The following KATNAL1 variants were observed in gnomAD, a reference collection of about 807,000 sequenced individuals.
KATNAL1 encodes the protein katanin catalytic subunit A1 like 1, also known as katanin p60 ATPase-containing subunit A-like 1.
Under a neutral mutation model 55.2 loss-of-function variants are expected in KATNAL1, and 32 were observed. The ratio of observed to expected loss-of-function variants is 0.58; its 90% CI spans 0.44 to 0.78. The LOEUF (loss-of-function observed/expected upper bound fraction) is 0.78. Among genes scored for constraint, KATNAL1 ranks in the 30% least tolerant of loss-of-function variants. The pLI, the probability that KATNAL1 is intolerant of heterozygous loss-of-function variation, is 0.00. For synonymous variants in KATNAL1, 193 were observed against 193.6 expected (o/e 1.00, Z 0.02); for missense variants, 466 against 600.9 (o/e 0.78, Z 2.35).
intron 1 of KATNAL1, chr13:30,296,348 C>A (rs1882492398): frequency 8.7e-7 from 1 of 1,150,156 alleles, no homozygotes; most frequent in Non-Finnish European, 1.3e-6. Flanking sequence ...CTTCCGCAAG[C>A]TGGGCTGCGA....
rs1444432275 is a variant in KATNAL1, at chr13:30,206,855, A to G, written c.*1685T>C. The G allele has an allele frequency of 6.6e-6, 1 of 151,838 alleles. No individual in the cohort carries two copies. Among genetic ancestry groups the G allele is most frequent in the Non-Finnish European group, 1.5e-5 (1 of 68,020 alleles). The allele number at this position is 151,838 out of a possible 1,614,324, so 9.4% of individuals were successfully genotyped here. On this transcript the variant is annotated 3_prime_UTR_variant, in exon 11 of 11. Transcript: ENST00000380615. ...AAAAGTTAATAAAAGGAAACCTCTC[A>G]ATTTTTAGGAAGAATTCAATTACAA...
intron 4 of KATNAL1, 41 bp from the exon 5 acceptor site, chr13:30,241,127 A>T: frequency 6.5e-7 from 1 of 1,544,604 alleles, no homozygotes; most frequent in Non-Finnish European, 8.8e-7. Flanking sequence ...TCAGTAATGG[A>T]TAATTTAGTT....
chr13:30,304,816 C>T (rs1419258125), intron 1 of KATNAL1, among the ~76,000 whole-genome samples: 1 of 152,194 alleles, frequency 6.6e-6, no homozygotes, highest in Non-Finnish European at 1.5e-5. Context: ...CCAATAAAAA[C>T]CAGCTCCTCC....
chr13:30,218,002 G>A (rs909592060), intron 9 of KATNAL1, among the ~76,000 whole-genome samples: 5 of 151,926 alleles, frequency 3.3e-5, no homozygotes, highest in African/African-American at 9.7e-5. Context: ...CTGTAACGTC[G>A]GCTTTGAAAA....
At chr13:30,285,123 A>G (rs1041361829) in intron 1 of KATNAL1, among the ~76,000 whole-genome samples, 1 of 152,220 alleles carries the variant, frequency 6.6e-6, no homozygotes, top group Non-Finnish European at 1.5e-5. Flanking sequence ...AAAATTAACC[A>G]TCACTAGTTC....
At chr13:30,244,739 T>C (rs2137434210) in intron 4 of KATNAL1, among the ~76,000 whole-genome samples, 1 of 152,146 alleles carries the variant, frequency 6.6e-6, no homozygotes, top group South Asian at 2.1e-4. Flanking sequence ...TCCACAGAAA[T>C]ACAAACTACC....
rs1232536025 is a variant in KATNAL1 at position 30,274,903 on chromosome 13, G to GCA, written c.323+5159_323+5160insTG. Among the ~76,000 whole-genome samples the GCA allele has an allele frequency of 3.0e-3, 285 of 93,708 alleles. 2 individuals carry two copies. The highest frequency in any genetic ancestry group is 4.4e-3 in the Non-Finnish European group (184 of 41,756). The allele number at this position is 93,708 out of a possible 152,430, so 61.5% of individuals were successfully genotyped here. A position where few individuals can be genotyped will look rare whatever the true frequency, so the allele number is the denominator to read the frequency against. On this transcript the variant is annotated intron_variant, in intron 3 of 10. Transcript: ENST00000380615. The stretch of plus-strand genomic sequence containing the variant: ...TGTGCACACACATACGCGCGCGCGC[G>GCA]CGCGCACACACACACACACACACAC...
rs184795821 is a variant in KATNAL1, at chr13:30,303,777, T to C, written c.-15+3554A>G. On this transcript the variant is annotated intron_variant, in intron 1 of 10. Coordinates refer to ENST00000380615, the MANE Select transcript of KATNAL1 (RefSeq NM_032116.5). ...AAAACAAGGCAAAAGTACATTGGTA[T>C]TAATGCCCTATACAATAACATTTTA... Among the ~76,000 whole-genome samples, 188 of 152,320 alleles carry C rather than the reference T, an allele frequency of 1.2e-3. 2 individuals carry two copies. Among genetic ancestry groups the C allele is most frequent in the Non-Finnish European group, 2.3e-3 (157 of 68,018 alleles).
intron 4 of KATNAL1, among the ~76,000 whole-genome samples, chr13:30,248,048 A>T (rs1877954955): frequency 6.6e-6 from 1 of 152,240 alleles, no homozygotes; most frequent in Admixed American, 6.5e-5. Flanking sequence ...TGAAAGTGGG[A>T]AACTTAAGAT....
At chr13:30,268,534 G>C (rs1431625982) in intron 3 of KATNAL1, among the ~76,000 whole-genome samples, 3 of 152,048 alleles carry the variant, frequency 2.0e-5, no homozygotes, top group Non-Finnish European at 1.5e-5. Flanking sequence ...GAGAAAAAAA[G>C]TTACCTATAA....
intron 6 of KATNAL1, among the ~76,000 whole-genome samples, chr13:30,232,543 C>T (rs1876209564): frequency 6.6e-6 from 1 of 152,142 alleles, no homozygotes; most frequent in Non-Finnish European, 1.5e-5. Flanking sequence ...ATTTTAAAAA[C>T]CATGAAAACG....
chr13:30,255,637 AAAT>A, intron 3 of KATNAL1, 22 bp from the exon 4 acceptor site: 3 of 1,301,736 alleles, frequency 2.3e-6, no homozygotes, highest in East Asian at 2.9e-5. Flanking sequence ...AAAAAAAAAA[AAAT>A]TAAAATTAAA....
intron 4 of KATNAL1, among the ~76,000 whole-genome samples, chr13:30,243,490 G>A (rs1176442775): frequency 6.6e-6 from 1 of 151,106 alleles, no homozygotes; most frequent in Non-Finnish European, 1.5e-5. Context: ...TAATCAAGAT[G>A]ATAAAGGGTT....
chr13:30,274,239 T>C (rs1187709691), intron 3 of KATNAL1, among the ~76,000 whole-genome samples: 1 of 152,214 alleles, frequency 6.6e-6, no homozygotes, highest in East Asian at 1.9e-4. Context: ...AATACCTGTA[T>C]GTATGAATGA....
intron 9 of KATNAL1, among the ~76,000 whole-genome samples, chr13:30,218,836 C>T (rs1874571239): frequency 6.6e-6 from 1 of 152,142 alleles, no homozygotes; most frequent in African/African-American, 2.4e-5. Context: ...CACCCCCAAC[C>T]ACGACCCAAG....
chr13:30,223,301 G>A (rs1875091520), intron 9 of KATNAL1, among the ~76,000 whole-genome samples: 1 of 150,894 alleles, frequency 6.6e-6, no homozygotes, highest in Non-Finnish European at 1.5e-5. Flanking sequence ...AATTAGCCGG[G>A]AATGGTGGCA....
rs1873548370 is a variant in KATNAL1 at position 30,210,263 on chromosome 13, C to T, written c.1274+53G>A. On this transcript the variant is annotated intron_variant, in intron 10 of 10. Coordinates refer to ENST00000380615, the MANE Select transcript of KATNAL1 (RefSeq NM_032116.5). ...AACTACATTGACTTTAAGACCAGTC[C>T]TCCTGCGAAGTCTATAACTAATGTC... is the stretch of plus-strand genomic sequence containing the variant. 4.1e-6 allele frequency: 6 copies of T among 1,480,586 alleles called. No individual in the cohort carries two copies. The East Asian group carries it at 7.5e-5, about 18-fold the overall frequency. 91.7% of individuals were successfully genotyped at this position (1,480,586 alleles called of 1,614,324 possible). A position where few individuals can be genotyped will look rare whatever the true frequency, so the allele number is the denominator to read the frequency against.
chr13:30,227,615 T>C, intron 8 of KATNAL1, 69 bp from the exon 9 acceptor site: 8 of 1,538,742 alleles, frequency 5.2e-6, no homozygotes, highest in Non-Finnish European at 7.1e-6. Context: ...TCAATTAACA[T>C]TTCTTTTAGC....
intron 3 of KATNAL1, among the ~76,000 whole-genome samples, chr13:30,277,556 A>G (rs1880933078): frequency 6.6e-6 from 1 of 152,234 alleles, no homozygotes; most frequent in Non-Finnish European, 1.5e-5. Context: ...TGACCTGGAG[A>G]AGAAACGAAG....
Sources: gnomAD v4.1 joint callset for allele counts (sites outside exome capture counted in the v4.1 genomes callset) on GRCh38, gnomAD v4.1.1 for gene constraint, MANE v1.5 for transcripts, NCBI Gene and HGNC (gene_info 2026-07-23, HGNC 2026-07-21) for gene names.